The following ELOVL2 variants were observed in gnomAD, a reference collection of about 807,000 sequenced individuals.
ELOVL2 encodes ELOVL fatty acid elongase 2, also known as very long chain fatty acid elongase 2.
In ELOVL2, 38 loss-of-function variants were observed where a neutral mutation model predicts 37.7. The observed-to-expected ratio is 1.01, with a 90% CI of 0.78 to 1.32. The LOEUF (loss-of-function observed/expected upper bound fraction) is 1.32. Among genes scored for constraint, ELOVL2 ranks in the 40% most tolerant of loss-of-function variants. ELOVL2 has a pLI of 0.00. For missense variants in ELOVL2, 352 were observed against 363.6 expected (o/e 0.97, Z 0.26); for synonymous variants, 115 against 122.3 (o/e 0.94, Z 0.40).
At chr6:11,022,525 T>C (rs1782780637) in intron 1 of ELOVL2, among the ~76,000 whole-genome samples, 1 of 152,166 alleles carries the variant, frequency 6.6e-6, no homozygotes. Context: ...TGTACGTCAA[T>C]GGTGAAGAAC....
intron 1 of ELOVL2, among the ~76,000 whole-genome samples, chr6:11,025,809 T>C (rs1195222581): frequency 6.6e-6 from 1 of 152,266 alleles, no homozygotes; most frequent in African/African-American, 2.4e-5. Context: ...TCTGCAGAAG[T>C]CTTCACCCAG....
At chr6:11,011,433 T>C (rs924264158) in intron 1 of ELOVL2, among the ~76,000 whole-genome samples, 5 of 152,094 alleles carry the variant, frequency 3.3e-5, no homozygotes, top group African/African-American at 1.2e-4. Flanking sequence ...CTAAAATGCT[T>C]ATAGGCAAAG....
At chr6:10,999,576 A>G (rs1782339182) in intron 4 of ELOVL2, among the ~76,000 whole-genome samples, 1 of 151,890 alleles carries the variant, frequency 6.6e-6, no homozygotes, top group Non-Finnish European at 1.5e-5. Context: ...GGGTTTCACT[A>G]TGTTGGCCAG....
chr6:10,990,181 A>T, intron 6 of ELOVL2, 137 bp downstream of exon 6: 1 of 1,054,100 alleles, frequency 9.5e-7, no homozygotes, highest in Non-Finnish European at 1.4e-6. Flanking sequence ...CAAAAAGTTT[A>T]ATTCTTAAAA....
chr6:11,008,518 A>T (rs1262599605), intron 2 of ELOVL2, among the ~76,000 whole-genome samples: 2 of 151,678 alleles, frequency 1.3e-5, no homozygotes, highest in South Asian at 4.2e-4. Flanking sequence ...CCTAACTAAG[A>T]GAGGGGGCTC....
chr6:11,010,918 C>T (rs563259532), intron 1 of ELOVL2, 109 bp from the exon 2 acceptor site: 41 of 793,832 alleles, frequency 5.2e-5, no homozygotes, highest in Non-Finnish European at 8.0e-5. Flanking sequence ...CAAAGGGTCC[C>T]AGCTTCAAGG....
chr6:11,000,220 C>G (rs1346148606), intron 3 of ELOVL2, 56 bp from the exon 4 acceptor site: 2 of 1,506,614 alleles, frequency 1.3e-6, no homozygotes, highest in Non-Finnish European at 1.8e-6. Flanking sequence ...AATTTGGATA[C>G]AGACTGAATT....
chr6:11,041,486 C>T (rs1265032019), intron 1 of ELOVL2, among the ~76,000 whole-genome samples: 1 of 151,984 alleles, frequency 6.6e-6, no homozygotes, highest in Admixed American at 6.6e-5. Flanking sequence ...TTCGAAGAAT[C>T]GAAAGAGAAA....
chr6:11,011,580 T>C (rs369998369), intron 1 of ELOVL2, among the ~76,000 whole-genome samples: 1 of 152,198 alleles, frequency 6.6e-6, no homozygotes, highest in African/African-American at 2.4e-5. Context: ...TAAAACTGAA[T>C]CTAAAACTTT....
chr6:11,018,117 GA>G (rs1160053908), intron 1 of ELOVL2, among the ~76,000 whole-genome samples: 2 of 151,762 alleles, frequency 1.3e-5, no homozygotes, highest in Non-Finnish European at 2.9e-5. Context: ...AAAGAACACA[GA>G]AAAAAAATTG....
intron 1 of ELOVL2, among the ~76,000 whole-genome samples, chr6:11,029,593 G>GT: frequency 6.6e-6 from 1 of 152,188 alleles, no homozygotes; most frequent in Non-Finnish European, 1.5e-5. Flanking sequence ...TCTAAGGGGA[G>GT]TGACATCGTA....
chr6:11,009,147 C>A (rs920082166), intron 2 of ELOVL2, among the ~76,000 whole-genome samples: 2 of 152,140 alleles, frequency 1.3e-5, no homozygotes, highest in Admixed American at 1.3e-4. Context: ...AGGGTTCCTG[C>A]CCTTCTGGGA....
intron 1 of ELOVL2, among the ~76,000 whole-genome samples, chr6:11,014,700 GT>G (rs1372421681): frequency 6.6e-6 from 1 of 151,922 alleles, no homozygotes; most frequent in African/African-American, 2.4e-5. Context: ...GTAGATTGGA[GT>G]TGGTAAACAA....
At chr6:11,017,951 T>C (rs1782709870) in intron 1 of ELOVL2, among the ~76,000 whole-genome samples, 1 of 152,204 alleles carries the variant, frequency 6.6e-6, no homozygotes, top group Non-Finnish European at 1.5e-5. Context: ...ACGATATCCA[T>C]TTCATATACT....
chr6:10,997,677 T>C (rs1334521215), intron 4 of ELOVL2, among the ~76,000 whole-genome samples: 1 of 152,218 alleles, frequency 6.6e-6, no homozygotes, highest in Non-Finnish European at 1.5e-5. Flanking sequence ...GGCAATTAGA[T>C]TTACAGGCTT....
chr6:11,028,558 C>A (rs1442237958), intron 1 of ELOVL2, among the ~76,000 whole-genome samples: 3 of 151,496 alleles, frequency 2.0e-5, no homozygotes, highest in African/African-American at 7.3e-5. Flanking sequence ...ACACTAGCTA[C>A]CCCACAGCAG....
At chr6:11,004,659 T>C (rs867435865) in intron 3 of ELOVL2, among the ~76,000 whole-genome samples, 1 of 152,130 alleles carries the variant, frequency 6.6e-6, no homozygotes, top group South Asian at 2.1e-4. Context: ...AATATATATA[T>C]TGGCATTTCA....
intron 4 of ELOVL2, among the ~76,000 whole-genome samples, chr6:10,995,764 A>G (rs1782257044): frequency 6.6e-6 from 1 of 152,228 alleles, no homozygotes; most frequent in Non-Finnish European, 1.5e-5. Flanking sequence ...GGGTGTAGCT[A>G]GTGTTACGAA....
At chr6:10,992,335 G>A (rs908096083) in intron 5 of ELOVL2, among the ~76,000 whole-genome samples, 1 of 152,166 alleles carries the variant, frequency 6.6e-6, no homozygotes, top group African/African-American at 2.4e-5. Context: ...AGTTTTACAT[G>A]TTCTGATTTT....
Sources: allele counts gnomAD v4.1 joint callset (sites outside exome capture counted in the v4.1 genomes callset), GRCh38; gene constraint gnomAD v4.1.1; transcripts MANE v1.5; gene names NCBI Gene and HGNC (gene_info 2026-07-23, HGNC 2026-07-21).